CPNE4: variants seen among roughly 807,000 people sequenced by gnomAD.
CPNE4 encodes copine 4, also known as copine-4.
Under a neutral mutation model 67.9 loss-of-function variants are expected in CPNE4, and 25 were observed. The observed-to-expected ratio is 0.37, with a 90% CI of 0.27 to 0.51. CPNE4 has a LOEUF of 0.51. Among genes scored for constraint, CPNE4 ranks in the 20% least tolerant of loss-of-function variants. The probability of loss-of-function intolerance (pLI) is 0.93; values close to 1 mark genes in which losing one functional copy is unlikely to be tolerated. For synonymous variants in CPNE4, 242 were observed against 244.9 expected, an observed-to-expected ratio of 0.99 and a Z score of 0.11; for missense variants, 464 against 690.8, an observed-to-expected ratio of 0.67 and a Z score of 3.68.
chr3:131,738,910 A>T (rs992618716), intron 2 of CPNE4, among the ~76,000 whole-genome samples: 6 of 145,270 alleles, frequency 4.1e-5, no homozygotes, highest in Admixed American at 1.4e-4. Flanking sequence ...GCTAGAGTGC[A>T]GTGGTGCAAT....
At chr3:131,706,107 T>C (rs1174523834) in intron 3 of CPNE4, among the ~76,000 whole-genome samples, 2 of 152,190 alleles carry the variant, frequency 1.3e-5, no homozygotes, top group African/African-American at 4.8e-5. Flanking sequence ...TCACTGCCTT[T>C]GGTGGGTTGT....
intron 1 of CPNE4, among the ~76,000 whole-genome samples, chr3:131,952,629 C>A (rs1377655582): frequency 2.8e-5 from 4 of 145,454 alleles, no homozygotes; most frequent in Admixed American, 6.7e-5. Context: ...GGGGGGTCAG[C>A]CCCCCTCCCG....
intron 7 of CPNE4, among the ~76,000 whole-genome samples, chr3:131,593,142 AAAG>A (rs1214686900): frequency 1.3e-5 from 2 of 152,254 alleles, no homozygotes; most frequent in Non-Finnish European, 2.9e-5. Flanking sequence ...ACTTTAAAGT[AAAG>A]AAGGTTTTGT....
intron 1 of CPNE4, among the ~76,000 whole-genome samples, chr3:131,947,433 G>C (rs147173824): frequency 6.6e-6 from 1 of 151,890 alleles, no homozygotes; most frequent in African/African-American, 2.4e-5. Flanking sequence ...TTCCATCCCT[G>C]TGTCCATGTG....
chr3:131,816,998 G>A (rs929970566), intron 2 of CPNE4, among the ~76,000 whole-genome samples: 1 of 152,206 alleles, frequency 6.6e-6, no homozygotes, highest in African/African-American at 2.4e-5. Context: ...TTAAGACATA[G>A]AACAGCTTTA....
At chr3:131,655,645 G>A (rs937377532) in intron 7 of CPNE4, among the ~76,000 whole-genome samples, 4 of 152,078 alleles carry the variant, frequency 2.6e-5, no homozygotes, top group Admixed American at 6.5e-5. Flanking sequence ...AAATGAAACC[G>A]ACGTCGGGGG....
At chr3:131,874,780 A>G (rs2087369824) in intron 2 of CPNE4, among the ~76,000 whole-genome samples, 1 of 152,196 alleles carries the variant, frequency 6.6e-6, no homozygotes, top group South Asian at 2.1e-4. Flanking sequence ...AAACATTCAC[A>G]TCTGGAGTTC....
chr3:131,691,563 A>T (rs938601859), intron 5 of CPNE4, among the ~76,000 whole-genome samples: 1 of 152,156 alleles, frequency 6.6e-6, no homozygotes, highest in Non-Finnish European at 1.5e-5. Flanking sequence ...GAGGGAGGGG[A>T]GCAAGGGCTG....
intron 4 of CPNE4, among the ~76,000 whole-genome samples, chr3:131,697,606 A>C (rs1017566131): frequency 6.6e-6 from 1 of 152,194 alleles, no homozygotes; most frequent in Non-Finnish European, 1.5e-5. Flanking sequence ...AGATAGACCC[A>C]AAAATGTGTG....
intron 2 of CPNE4, among the ~76,000 whole-genome samples, chr3:131,871,109 T>C (rs916370774): frequency 2.0e-5 from 3 of 152,090 alleles, no homozygotes; most frequent in Admixed American, 6.5e-5. Context: ...AGAAAACACA[T>C]TGCAGAGGTA....
chr3:132,001,520 G>A (rs952356651), intron 1 of CPNE4, among the ~76,000 whole-genome samples: 7 of 145,474 alleles, frequency 4.8e-5, no homozygotes, highest in African/African-American at 1.8e-4. Flanking sequence ...AATTGTGAGA[G>A]AGAGAGAGAG....
At chr3:131,808,558 G>C (rs572851706) in intron 2 of CPNE4, among the ~76,000 whole-genome samples, 1 of 152,006 alleles carries the variant, frequency 6.6e-6, no homozygotes, top group African/African-American at 2.4e-5. Flanking sequence ...TTTAAGAATT[G>C]GTCATCAAAA....
At chr3:131,913,534 T>A (rs1333346276) in intron 1 of CPNE4, among the ~76,000 whole-genome samples, 1 of 152,062 alleles carries the variant, frequency 6.6e-6, no homozygotes, top group Non-Finnish European at 1.5e-5. Flanking sequence ...CCCAGAAGAG[T>A]GTTAATATAT....
At chr3:131,588,251 AG>A (rs1171864979) in intron 7 of CPNE4, among the ~76,000 whole-genome samples, 1 of 152,186 alleles carries the variant, frequency 6.6e-6, no homozygotes, top group African/African-American at 2.4e-5. Context: ...TTCTAACAAA[AG>A]GGCTAAATAT....
intron 1 of CPNE4, among the ~76,000 whole-genome samples, chr3:131,978,525 A>AAT (rs1335768086): frequency 1.3e-5 from 1 of 74,396 alleles, no homozygotes. Context: ...TATTTATATA[A>AAT]ATATAAATAT....
intron 5 of CPNE4, among the ~76,000 whole-genome samples, chr3:131,690,062 C>G (rs2080996932): frequency 6.6e-6 from 1 of 152,124 alleles, no homozygotes; most frequent in Non-Finnish European, 1.5e-5. Context: ...AATGGAAAAG[C>G]ATTCCATGCT....
chr3:131,880,319 G>A (rs1009381646), intron 2 of CPNE4, among the ~76,000 whole-genome samples: 6 of 151,978 alleles, frequency 3.9e-5, no homozygotes, highest in Non-Finnish European at 7.4e-5. Context: ...TTTTCACCAT[G>A]TTAGCCAGGA....
At chr3:131,734,500 G>C (rs891036736) in intron 2 of CPNE4, among the ~76,000 whole-genome samples, 1 of 152,236 alleles carries the variant, frequency 6.6e-6, no homozygotes, top group Non-Finnish European at 1.5e-5. Context: ...GGAGGAGTAG[G>C]AGTATCTCCT....
intron 7 of CPNE4, among the ~76,000 whole-genome samples, chr3:131,594,249 C>T (rs893914305): frequency 1.3e-5 from 2 of 152,094 alleles, no homozygotes; most frequent in African/African-American, 2.4e-5. Context: ...CCAAAATGAT[C>T]TTGAGAAAGA....
Sources: gnomAD v4.1 joint callset for allele counts (sites outside exome capture counted in the v4.1 genomes callset) on GRCh38, gnomAD v4.1.1 for gene constraint, MANE v1.5 for transcripts, NCBI Gene and HGNC (gene_info 2026-07-23, HGNC 2026-07-21) for gene names.